The following RNLS variants were observed in gnomAD, a reference collection of about 807,000 sequenced individuals.
RNLS encodes renalase, FAD dependent amine oxidase.
Under a neutral mutation model 39.8 loss-of-function variants are expected in RNLS, and 39 were observed. The observed-to-expected ratio is 0.98, with a 90% CI of 0.76 to 1.28. The LOEUF (loss-of-function observed/expected upper bound fraction) is 1.28. RNLS is among the 50% of genes most tolerant of loss of function. The pLI is 0.00. For missense variants in RNLS, 410 were observed against 413.3 expected (o/e 0.99, Z 0.07); for synonymous variants, 147 against 150.7 (o/e 0.98, Z 0.18).
At chr10:88,321,662 T>A (rs756423535) in intron 5 of RNLS, among the ~76,000 whole-genome samples, 1 of 152,146 alleles carries the variant, frequency 6.6e-6, no homozygotes, top group Admixed American at 6.5e-5. Context: ...GAAGCTATTA[T>A]GAATATCTCT....
At chr10:88,339,481 C>A (rs946953032) in intron 5 of RNLS, among the ~76,000 whole-genome samples, 1 of 152,052 alleles carries the variant, frequency 6.6e-6, no homozygotes, top group African/African-American at 2.4e-5. Flanking sequence ...ACAAACTAAG[C>A]TCAGGTTGAA....
intron 5 of RNLS, among the ~76,000 whole-genome samples, chr10:88,358,715 C>T (rs527761243): frequency 1.3e-5 from 2 of 152,312 alleles, no homozygotes; most frequent in Admixed American, 1.3e-4. Context: ...CTCCCTCTGC[C>T]TAAGGAAATT....
chr10:88,513,317 T>G (rs1212179419), intron 4 of RNLS, among the ~76,000 whole-genome samples: 1 of 152,136 alleles, frequency 6.6e-6, no homozygotes, highest in East Asian at 1.9e-4. Context: ...AGCTGTCATG[T>G]TCCATAATAT....
chr10:88,329,917 A>G (rs533091625), intron 5 of RNLS, among the ~76,000 whole-genome samples: 1 of 151,438 alleles, frequency 6.6e-6, no homozygotes, highest in East Asian at 1.9e-4. Flanking sequence ...CAGTACTCTT[A>G]TTTCTTCCAA....
intron 4 of RNLS, among the ~76,000 whole-genome samples, chr10:88,455,479 T>A (rs1842577024): frequency 6.6e-6 from 1 of 152,148 alleles, no homozygotes; most frequent in South Asian, 2.1e-4. Flanking sequence ...CGATTTCGGC[T>A]CACTGCAAGC....
chr10:88,279,092 A>T (rs2132600052), intron 6 of RNLS, among the ~76,000 whole-genome samples: 1 of 152,298 alleles, frequency 6.6e-6, no homozygotes, highest in South Asian at 2.1e-4. Flanking sequence ...GGGAGAACAC[A>T]GTGCCATGCA....
chr10:88,416,576 T>G lies in RNLS; in HGVS notation c.527-53851A>C, dbSNP rs1295907222. The stretch of plus-strand genomic sequence containing the variant: ...CCCTGAATTATATTAATTGGCAAAG[T>G]CTATTAGATTTCTTTTGAGGACTTT... On this transcript the variant is annotated intron_variant, in intron 4 of 6. Transcript: ENST00000331772. Among the ~76,000 whole-genome samples the G allele has an allele frequency of 2.0e-5, 3 of 152,310 alleles. No individual in the cohort carries two copies. In the East Asian group the frequency reaches 5.8e-4, roughly 29 times the overall value.
chr10:88,466,364 T>G (rs1004578827), intron 4 of RNLS, among the ~76,000 whole-genome samples: 1 of 151,962 alleles, frequency 6.6e-6, no homozygotes, highest in Admixed American at 6.6e-5. Context: ...GAGAAAACAG[T>G]TAGAGCTCAG....
chr10:88,444,271 GA>G (rs1459416841), intron 4 of RNLS, among the ~76,000 whole-genome samples: 1 of 152,200 alleles, frequency 6.6e-6, no homozygotes, highest in Non-Finnish European at 1.5e-5. Context: ...CTGACTGTTA[GA>G]AGGAAAACTA....
intron 4 of RNLS, among the ~76,000 whole-genome samples, chr10:88,373,278 C>G (rs1213032043): frequency 1.3e-5 from 2 of 152,080 alleles, no homozygotes; most frequent in Non-Finnish European, 2.9e-5. Context: ...TTTGCAAACA[C>G]CTGAAATCTG....
At chr10:88,463,023 G>T (rs543930523) in intron 4 of RNLS, among the ~76,000 whole-genome samples, 5 of 152,132 alleles carry the variant, frequency 3.3e-5, no homozygotes, top group African/African-American at 1.2e-4. Flanking sequence ...TTTCCAGATA[G>T]ATGGGAAACC....
chr10:88,190,166 G>A, the RNLS span, among the ~76,000 whole-genome samples: 1 of 152,192 alleles, frequency 6.6e-6, no homozygotes, highest in Non-Finnish European at 1.5e-5. Context: ...TTATATAATT[G>A]TCTAACTCCT....
the RNLS span, among the ~76,000 whole-genome samples, chr10:88,237,612 CT>C: frequency 3.3e-5 from 5 of 152,278 alleles, no homozygotes; most frequent in African/African-American, 1.2e-4. Flanking sequence ...ACAGAAAAGA[CT>C]TTCTAAGACA....
intron 4 of RNLS, among the ~76,000 whole-genome samples, chr10:88,400,711 G>C (rs1852859856): frequency 6.6e-6 from 1 of 151,862 alleles, no homozygotes. Flanking sequence ...AATGACTTAA[G>C]AGTTTATTAT....
rs368265259 is a variant in RNLS at position 88,469,272 on chromosome 10, C to T, written c.526+103631G>A. 2.1e-4 allele frequency among the ~76,000 whole-genome samples: 32 copies of T among 152,280 alleles called. No homozygotes were observed. In the East Asian group the frequency reaches 3.7e-3, roughly 17 times the overall value. ...TCAGTGCCCTGGCCACAGTGCTCAG[C>T]CTGGGATCCAGGCTGATTAATAGAG... On this transcript the variant is annotated intron_variant, in intron 4 of 6. Coordinates refer to ENST00000331772, the MANE Select transcript of RNLS (RefSeq NM_001031709.3).
At chr10:88,570,294 A>G (rs1849750336) in intron 4 of RNLS, among the ~76,000 whole-genome samples, 1 of 152,240 alleles carries the variant, frequency 6.6e-6, no homozygotes, top group African/African-American at 2.4e-5. Flanking sequence ...ATACAAATCC[A>G]TATTTAATGA....
At chr10:88,262,657 C>G in the RNLS span, among the ~76,000 whole-genome samples, 1 of 152,208 alleles carries the variant, frequency 6.6e-6, no homozygotes, top group Non-Finnish European at 1.5e-5. Flanking sequence ...ACCAAGCTTA[C>G]TCTTTGGATT....
At position 88,285,310 on chromosome 10, in the gene RNLS, A is replaced by C. The variant is rs1451563192; in HGVS notation, c.*44T>G. 2 of 1,447,870 alleles carry C rather than the reference A, an allele frequency of 1.4e-6. No homozygotes were observed. Among genetic ancestry groups the C allele is most frequent in the Non-Finnish European group, 1.8e-6 (2 of 1,089,936 alleles). 89.7% of individuals were successfully genotyped at this position (1,447,870 alleles called of 1,614,324 possible). Reference sequence around the variant, plus strand: ...AAATAATCAATAACAGAAAATTGTGAAAATAAAAACCCAATACACATGTAG... The same window carrying C: ...AAATAATCAATAACAGAAAATTGTGCAAATAAAAACCCAATACACATGTAG... On this transcript the variant is annotated 3_prime_UTR_variant, in exon 7 of 7. Coordinates refer to ENST00000331772, the MANE Select transcript of RNLS (RefSeq NM_001031709.3).
intron 4 of RNLS, among the ~76,000 whole-genome samples, chr10:88,404,349 G>C (rs540558313): frequency 7.8e-4 from 118 of 152,150 alleles, no homozygotes; most frequent in African/African-American, 2.7e-3. Flanking sequence ...ATCATTCTAA[G>C]CCTGTTTCAT....
Sources: allele counts gnomAD v4.1 joint callset (sites outside exome capture counted in the v4.1 genomes callset), GRCh38; gene constraint gnomAD v4.1.1; transcripts MANE v1.5; gene names NCBI Gene and HGNC (gene_info 2026-07-23, HGNC 2026-07-21).